The following PROM1 variants were observed in gnomAD, a reference collection of about 807,000 sequenced individuals.
The protein encoded by PROM1 is prominin-1.
A neutral mutation model predicts 116.9 loss-of-function variants in PROM1; 105 were observed. The ratio of observed to expected loss-of-function variants is 0.90; its 90% CI spans 0.77 to 1.06. PROM1 has a LOEUF of 1.06. PROM1 is among the 50% of genes least tolerant of loss of function. PROM1 has a pLI of 0.00. For missense variants in PROM1, 1,122 were observed against 1,045.2 expected (o/e 1.07, Z -1.01); for synonymous variants, 393 against 387.0 (o/e 1.02, Z -0.18).
intron 26 of PROM1, 34 bp downstream of exon 26, chr4:15,979,361 T>A (rs376167845): frequency 6.2e-7 from 1 of 1,613,420 alleles, no homozygotes; most frequent in Admixed American, 1.7e-5. Context: ...CGGTTTATCA[T>A]AGGGCGGGCA....
intron 2 of PROM1, among the ~76,000 whole-genome samples, chr4:16,041,747 C>A (rs1735279660): frequency 1.2e-5 from 1 of 82,042 alleles, no homozygotes; most frequent in Admixed American, 1.2e-4. Context: ...GACCCTGCCT[C>A]AAATAAATAA....
At chr4:16,043,953 C>T (rs1301148315) in intron 2 of PROM1, among the ~76,000 whole-genome samples, 1 of 152,172 alleles carries the variant, frequency 6.6e-6, no homozygotes, top group East Asian at 1.9e-4. Flanking sequence ...CTCTCACACA[C>T]CCCCCAGGTC....
At chr4:16,017,682 A>C (rs1169574024) in intron 9 of PROM1, among the ~76,000 whole-genome samples, 3 of 152,172 alleles carry the variant, frequency 2.0e-5, no homozygotes, top group Admixed American at 2.0e-4. Flanking sequence ...TTAGCCAGGC[A>C]TGGTGGCGGG....
At chr4:16,016,050 T>C in intron 10 of PROM1, 116 bp downstream of exon 10, 1 of 928,762 alleles carries the variant, frequency 1.1e-6, no homozygotes. Context: ...ATCACCCTTC[T>C]TGGCAACCTT....
At chr4:16,053,587 G>A (rs1738341600) in intron 2 of PROM1, among the ~76,000 whole-genome samples, 1 of 152,194 alleles carries the variant, frequency 6.6e-6, no homozygotes. Flanking sequence ...TGACACTATG[G>A]ATAGTCAATA....
intron 17 of PROM1, among the ~76,000 whole-genome samples, chr4:15,991,657 G>A (rs1190799146): frequency 3.3e-5 from 5 of 151,286 alleles, no homozygotes; most frequent in Non-Finnish European, 7.4e-5. Flanking sequence ...CAGATGGGCC[G>A]GGCACAGAGG....
At position 15,986,017 on chromosome 4, in the gene PROM1, T is replaced by C. The variant is rs561864815; in HGVS notation, c.2151A>G (p.Leu717=). Residue 717 remains leucine, a synonymous_variant, in exon 21 of 28, where the codon CTA becomes CTG. Transcript: ENST00000447510. Reference sequence around the variant, plus strand: ...AGTTCTGAGCAAAATCCAGAGAAGCTAGAATCCTAGTTACTCTCTCCTGAA... The same window carrying C: ...AGTTCTGAGCAAAATCCAGAGAAGCCAGAATCCTAGTTACTCTCTCCTGAA... ...NGLLERVTRI[L]ASLDFAQNFI... 6 of 1,577,416 alleles carry C rather than the reference T, an allele frequency of 3.8e-6. No homozygotes were observed. The African/African-American group carries it at 4.0e-5, about 11-fold the overall frequency.
intron 9 of PROM1, among the ~76,000 whole-genome samples, chr4:16,017,365 A>G (rs1047348481): frequency 6.6e-6 from 1 of 152,228 alleles, no homozygotes; most frequent in Non-Finnish European, 1.5e-5. Flanking sequence ...AAAAGGATCT[A>G]TCTCAAACAA....
intron 2 of PROM1, among the ~76,000 whole-genome samples, chr4:16,072,383 C>T (rs1743015033): frequency 6.6e-6 from 1 of 152,208 alleles, no homozygotes; most frequent in Admixed American, 6.5e-5. Context: ...GTCCCTATCT[C>T]TTCTATTCCT....
At chr4:16,050,230 C>T (rs923994602) in intron 2 of PROM1, among the ~76,000 whole-genome samples, 28 of 151,452 alleles carry the variant, frequency 1.8e-4, no homozygotes, top group Admixed American at 5.3e-4. Context: ...CACTGAACTC[C>T]AGCCTGGGTG....
chr4:15,999,847 G>A (rs1183208007), intron 14 of PROM1, among the ~76,000 whole-genome samples: 17 of 147,556 alleles, frequency 1.2e-4, no homozygotes, highest in Non-Finnish European at 1.8e-4. Flanking sequence ...AGAATCTGGA[G>A]AAAAAAAAAA....
intron 2 of PROM1, among the ~76,000 whole-genome samples, chr4:16,042,091 G>T (rs1016120923): frequency 1.3e-5 from 2 of 152,100 alleles, no homozygotes; most frequent in African/African-American, 4.8e-5. Context: ...TGGGGTTACA[G>T]GCGTGAGCCA....
At chr4:16,054,567 T>C (rs1050144431) in intron 2 of PROM1, among the ~76,000 whole-genome samples, 5 of 152,208 alleles carry the variant, frequency 3.3e-5, no homozygotes, top group Middle Eastern at 3.2e-3. Context: ...TGTGTAACTT[T>C]AGCAAATTAT....
chr4:16,013,233 T>A (rs1174412273), intron 11 of PROM1, 42 bp downstream of exon 11: 10 of 1,507,494 alleles, frequency 6.6e-6, no homozygotes. Flanking sequence ...TTCTCTGTAC[T>A]GACCTACCAA....
At chr4:16,027,482 G>A (rs568451773) in intron 5 of PROM1, among the ~76,000 whole-genome samples, 26 of 152,164 alleles carry the variant, frequency 1.7e-4, no homozygotes, top group African/African-American at 5.8e-4. Context: ...TTATTCACTC[G>A]TCAGATTCCA....
rs1186990252 is a variant in PROM1 at position 15,994,039 on chromosome 4, G to C, written c.1715C>G (p.Thr572Ser). The C allele has an allele frequency of 3.7e-6, 6 of 1,614,004 alleles. No individual in the cohort carries two copies. The highest frequency in any genetic ancestry group is 5.1e-6 in the Non-Finnish European group (6 of 1,179,876). ...ATTGAAGCTGTTCTGCAGGTGAAGAGTGCCGTAAGTGCCTCTATTTTTTTT... is the reference window on the plus strand; with the variant it reads ...ATTGAAGCTGTTCTGCAGGTGAAGACTGCCGTAAGTGCCTCTATTTTTTTT... ...DCKKNRGTYG[T>S]LHLQNSFNIS... is the part of the protein sequence containing the mutation. The change falls in exon 16 of 28, where the codon ACT becomes AGT. Residue 572 changes from threonine to serine, a missense_variant. Transcript: ENST00000447510.
At chr4:16,012,345 C>T (rs1046369342) in intron 11 of PROM1, among the ~76,000 whole-genome samples, 7 of 152,156 alleles carry the variant, frequency 4.6e-5, no homozygotes, top group African/African-American at 1.7e-4. Context: ...TCTAACCTTG[C>T]ACAAAGAACT....
intron 2 of PROM1, among the ~76,000 whole-genome samples, chr4:16,044,696 G>C (rs527996499): frequency 6.6e-6 from 1 of 152,196 alleles, no homozygotes; most frequent in Non-Finnish European, 1.5e-5. Flanking sequence ...AACTAGGTTT[G>C]TACATGCATC....
At chr4:16,056,704 C>T (rs1739109154) in intron 2 of PROM1, among the ~76,000 whole-genome samples, 1 of 151,772 alleles carries the variant, frequency 6.6e-6, no homozygotes, top group African/African-American at 2.4e-5. Flanking sequence ...GCAGAAGAGT[C>T]GTCCAGGCAA....
Sources: gnomAD v4.1 joint callset for allele counts (sites outside exome capture counted in the v4.1 genomes callset) on GRCh38, gnomAD v4.1.1 for gene constraint, MANE v1.5 for transcripts, NCBI Gene and HGNC (gene_info 2026-07-23, HGNC 2026-07-21) for gene names.